Variants in PTPRM observed in about 807,000 individuals in gnomAD.
PTPRM encodes the protein receptor-type tyrosine-protein phosphatase mu.
Under a neutral mutation model 186.7 loss-of-function variants are expected in PTPRM, and 47 were observed. That is an observed-to-expected ratio of 0.25 (90% CI 0.20 to 0.32). The LOEUF (loss-of-function observed/expected upper bound fraction) is 0.32, where lower values mean the gene tolerates loss of function less well. Among genes scored for constraint, PTPRM ranks in the 10% least tolerant of loss-of-function variants. The pLI is 1.00. For missense variants in PTPRM, 1,494 were observed against 1,865.0 expected, an observed-to-expected ratio of 0.80 and a Z score of 3.66; for synonymous variants, 668 against 674.9, an observed-to-expected ratio of 0.99 and a Z score of 0.16.
chr18:7,984,638 T>C (rs941637168), intron 7 of PTPRM, among the ~76,000 whole-genome samples: 1 of 130,422 alleles, frequency 7.7e-6, no homozygotes, highest in African/African-American at 2.9e-5. Context: ...CAAACCCCCA[T>C]ATATGTATAT....
intron 1 of PTPRM, among the ~76,000 whole-genome samples, chr18:7,703,720 G>A (rs2040015545): frequency 6.6e-6 from 1 of 152,186 alleles, no homozygotes; most frequent in Admixed American, 6.5e-5. Context: ...TTGAATAGGA[G>A]TGGTGAGAGA....
At position 8,370,997 on chromosome 18, in the gene PTPRM, T is replaced by C. The variant is rs768027150; in HGVS notation, c.3162T>C (p.Ala1054=). Residue 1054 remains alanine (A), a synonymous_variant, in exon 24 of 33, where the codon GCT becomes GCC. Coordinates refer to ENST00000580170, the MANE Select transcript of PTPRM (RefSeq NM_001105244.2). ...LLAEYVIRTF[A]VEKRGVHEIR... ...CAGAATATGTGATAAGAACATTTGCTGTTGAAAAGGTAAGTTTTCATACTG... is the reference window on the plus strand; with the variant it reads ...CAGAATATGTGATAAGAACATTTGCCGTTGAAAAGGTAAGTTTTCATACTG... 1 of 1,585,068 alleles carries C rather than the reference T, an allele frequency of 6.3e-7. No individual in the cohort carries two copies. Among genetic ancestry groups the C allele is most frequent in the Admixed American group, 1.7e-5 (1 of 59,104 alleles).
At chr18:7,975,205 G>A (rs984261377) in intron 7 of PTPRM, among the ~76,000 whole-genome samples, 2 of 152,146 alleles carry the variant, frequency 1.3e-5, no homozygotes, top group African/African-American at 4.8e-5. Flanking sequence ...AAAACAGGTG[G>A]GCAGTTTCTT....
At chr18:7,943,880 T>C (rs187760419) in intron 5 of PTPRM, among the ~76,000 whole-genome samples, 22 of 152,296 alleles carry the variant, frequency 1.4e-4, no homozygotes, top group African/African-American at 5.3e-4. Flanking sequence ...ACCTGCAAAC[T>C]CCTTTTTGCC....
At position 8,023,669 on chromosome 18, in the gene PTPRM, C is replaced by T. The variant is rs542482790; in HGVS notation, c.1133-46017C>T. ...TCTTAAAATGTTAAATGAAAAGGCT[C>T]AGTTTTAGGCAATTTTTGAGAGCTC... On this transcript the variant is annotated intron_variant, in intron 7 of 32. Transcript: ENST00000580170. Among the ~76,000 whole-genome samples the T allele has an allele frequency of 2.6e-5, 4 of 152,122 alleles. No homozygotes were observed. In the South Asian group the frequency reaches 8.3e-4, roughly 32 times the overall value.
At chr18:8,393,604 GTTCT>G (rs1568900406) in intron 31 of PTPRM, among the ~76,000 whole-genome samples, 3 of 152,212 alleles carry the variant, frequency 2.0e-5, no homozygotes, top group African/African-American at 4.8e-5. Flanking sequence ...CCAGCATCAC[GTTCT>G]TGGTTTGCAT....
At chr18:8,320,332 A>G (rs2095337982) in intron 22 of PTPRM, among the ~76,000 whole-genome samples, 1 of 152,106 alleles carries the variant, frequency 6.6e-6, no homozygotes, top group African/African-American at 2.4e-5. Context: ...AGAGGGAAGG[A>G]GTTAACAGAT....
chr18:7,688,388 G>A (rs762918138), intron 1 of PTPRM, among the ~76,000 whole-genome samples: 1 of 152,184 alleles, frequency 6.6e-6, no homozygotes, highest in African/African-American at 2.4e-5. Context: ...AATGGAGAAG[G>A]AAAGATTCTG....
chr18:8,338,681 T>G (rs1016644294), intron 22 of PTPRM, among the ~76,000 whole-genome samples: 4 of 152,186 alleles, frequency 2.6e-5, no homozygotes, highest in African/African-American at 9.7e-5. Context: ...TTTTCTAAAT[T>G]TAATGCAATA....
rs545497726 is a variant in PTPRM at position 7,908,152 on chromosome 18, A to G, written c.547+1569A>G. ...TCTTAGTTTTATTGGGTGCTGCCAA[A>G]ATGCTATGAAGTGTCTGAACCAGTT... On this transcript the variant is annotated intron_variant, in intron 4 of 32. Transcript: ENST00000580170. 8.1e-4 allele frequency among the ~76,000 whole-genome samples: 123 copies of G among 152,204 alleles called. 1 individual carries two copies. The highest frequency in any genetic ancestry group is 8.0e-3 in the Admixed American group (123 of 15,282).
At chr18:7,598,966 A>G (rs1017428497) in intron 1 of PTPRM, among the ~76,000 whole-genome samples, 3 of 152,106 alleles carry the variant, frequency 2.0e-5, no homozygotes, top group Non-Finnish European at 4.4e-5. Context: ...CATTATTATC[A>G]CATTTTAGAC....
intron 2 of PTPRM, among the ~76,000 whole-genome samples, chr18:7,803,101 T>A (rs76878019): frequency 8.6e-4 from 131 of 152,266 alleles, no homozygotes; most frequent in African/African-American, 3.1e-3. Flanking sequence ...AAAGGAAGAA[T>A]GTTCTAGATA....
intron 1 of PTPRM, among the ~76,000 whole-genome samples, chr18:7,764,999 C>T (rs1268088882): frequency 6.6e-6 from 1 of 152,036 alleles, no homozygotes; most frequent in Non-Finnish European, 1.5e-5. Context: ...TAATTCAATC[C>T]AATAGTAGCT....
chr18:7,781,229 A>G (rs1169374435), intron 2 of PTPRM, among the ~76,000 whole-genome samples: 3 of 152,172 alleles, frequency 2.0e-5, no homozygotes, highest in Admixed American at 1.3e-4. Flanking sequence ...ATCTTCATCT[A>G]ATTTTTGATT....
chr18:8,119,084 T>G (rs922142417), intron 13 of PTPRM, among the ~76,000 whole-genome samples: 3 of 152,044 alleles, frequency 2.0e-5, no homozygotes, highest in Non-Finnish European at 4.4e-5. Flanking sequence ...AATGTTATAT[T>G]TTAAGGGACT....
At chr18:7,607,108 G>A (rs760234117) in intron 1 of PTPRM, among the ~76,000 whole-genome samples, 2 of 152,032 alleles carry the variant, frequency 1.3e-5, no homozygotes, top group African/African-American at 2.4e-5. Context: ...AGGAATTGCC[G>A]TTTATTTAGT....
At chr18:7,802,448 A>G (rs559761917) in intron 2 of PTPRM, among the ~76,000 whole-genome samples, 1 of 152,248 alleles carries the variant, frequency 6.6e-6, no homozygotes, top group Admixed American at 6.5e-5. Flanking sequence ...GGGTTTGTTC[A>G]TGGAGGATTA....
At chr18:8,289,838 T>C (rs1221228884) in intron 19 of PTPRM, among the ~76,000 whole-genome samples, 2 of 152,040 alleles carry the variant, frequency 1.3e-5, no homozygotes, top group African/African-American at 4.8e-5. Flanking sequence ...CTTTAAAAGA[T>C]CAGTGAATGT....
At chr18:7,853,022 G>A (rs12608415) in intron 2 of PTPRM, among the ~76,000 whole-genome samples, 101,006 of 152,042 alleles carry the variant, frequency 0.66, 33,905 homozygotes, top group East Asian at 0.89. Flanking sequence ...CAATATAAAC[G>A]GAAAATACCA....
Sources: allele counts gnomAD v4.1 joint callset (sites outside exome capture counted in the v4.1 genomes callset), GRCh38; gene constraint gnomAD v4.1.1; transcripts MANE v1.5; gene names NCBI Gene and HGNC (gene_info 2026-07-23, HGNC 2026-07-21).